The following GARNL3 variants were observed in gnomAD, a reference collection of about 807,000 sequenced individuals.
GARNL3 encodes the protein GTPase activating Rap/RanGAP domain like 3.
A neutral mutation model predicts 125.0 loss-of-function variants in GARNL3; 63 were observed. That is an observed-to-expected ratio of 0.50 (90% CI 0.41 to 0.62). The LOEUF (loss-of-function observed/expected upper bound fraction) is 0.62. Among genes scored for constraint, GARNL3 ranks in the 20% least tolerant of loss-of-function variants. The pLI is 0.00. For synonymous variants in GARNL3, 439 were observed against 457.5 expected (o/e 0.96, Z 0.52); for missense variants, 994 against 1,244.0 (o/e 0.80, Z 3.02).
chr9:127,285,182 G>C (rs956903900), intron 1 of GARNL3, among the ~76,000 whole-genome samples: 2 of 152,016 alleles, frequency 1.3e-5, no homozygotes, highest in South Asian at 4.2e-4. Flanking sequence ...CTCATGCCTC[G>C]GCACTTTGGG....
chr9:127,239,902 T>C (rs2063174633), intron 1 of GARNL3, among the ~76,000 whole-genome samples: 1 of 152,206 alleles, frequency 6.6e-6, no homozygotes, highest in African/African-American at 2.4e-5. Context: ...TTAAAAAGGC[T>C]AGCCTTTCAA....
At chr9:127,314,602 CCTT>C (rs1444554979) in intron 4 of GARNL3, among the ~76,000 whole-genome samples, 4 of 151,916 alleles carry the variant, frequency 2.6e-5, no homozygotes, top group East Asian at 1.9e-4. Context: ...TGGGTTTCCC[CCTT>C]CTTCTACTTT....
chr9:127,276,196 C>T (rs976352760), intron 1 of GARNL3, among the ~76,000 whole-genome samples: 2 of 151,574 alleles, frequency 1.3e-5, no homozygotes, highest in Non-Finnish European at 2.9e-5. Flanking sequence ...TTATGTTATC[C>T]AGGCTGATCT....
chr9:127,240,385 A>G (rs1255828561), intron 1 of GARNL3, among the ~76,000 whole-genome samples: 10 of 152,088 alleles, frequency 6.6e-5, no homozygotes, highest in Admixed American at 2.0e-4. Context: ...TGCACCCCAC[A>G]TGTGTAGACA....
chr9:127,322,529 A>G (rs1344160291), intron 6 of GARNL3, among the ~76,000 whole-genome samples: 1 of 152,184 alleles, frequency 6.6e-6, no homozygotes, highest in African/African-American at 2.4e-5. Context: ...TCCCCTTAAC[A>G]AAAGGAACCA....
chr9:127,313,648 C>T, intron 4 of GARNL3, 89 bp downstream of exon 4: 1 of 870,100 alleles, frequency 1.1e-6, no homozygotes, highest in Non-Finnish European at 2.0e-6. Flanking sequence ...CCAGTTTCTT[C>T]CAGGGCATGC....
chr9:127,271,135 T>C lies in GARNL3; in HGVS notation c.144+6114T>C, dbSNP rs2063814245. ...CATGAGCTGAGCTGGAACTCCCAAATGTGTCCATTAACATTCCTTCATATA... is the reference window on the plus strand; with the variant it reads ...CATGAGCTGAGCTGGAACTCCCAAACGTGTCCATTAACATTCCTTCATATA... On this transcript the variant is annotated intron_variant, in intron 1 of 27. Transcript: ENST00000373387. Among the ~76,000 whole-genome samples, 3 of 150,362 alleles carry C rather than the reference T, an allele frequency of 2.0e-5. 1 individual carries two copies. The highest frequency in any genetic ancestry group is 7.6e-5 in the African/African-American group (3 of 39,670).
chr9:127,352,469 T>C (rs1830467998), intron 17 of GARNL3, among the ~76,000 whole-genome samples: 1 of 152,200 alleles, frequency 6.6e-6, no homozygotes, highest in African/African-American at 2.4e-5. Flanking sequence ...ATGAGGATGA[T>C]CGTCCAGTGT....
intron 4 of GARNL3, 93 bp downstream of exon 4, chr9:127,313,652 G>A (rs1385329865): frequency 1.2e-6 from 1 of 869,558 alleles, no homozygotes; most frequent in African/African-American, 1.6e-5. Flanking sequence ...TTTCTTCCAG[G>A]GCATGCCTCA....
At chr9:127,374,314 A>AG (rs1370517837) in intron 22 of GARNL3, among the ~76,000 whole-genome samples, 2 of 152,072 alleles carry the variant, frequency 1.3e-5, no homozygotes, top group Non-Finnish European at 2.9e-5. Context: ...AAAAACAAAA[A>AG]GAAAAAAAAA....
chr9:127,265,612 G>A (rs2063687496), intron 1 of GARNL3, among the ~76,000 whole-genome samples: 1 of 152,122 alleles, frequency 6.6e-6, no homozygotes, highest in Non-Finnish European at 1.5e-5. Flanking sequence ...TTTTAAAAGA[G>A]CCATAATGAA....
chr9:127,304,558 CAG>C (rs1442552440), intron 2 of GARNL3, among the ~76,000 whole-genome samples: 58 of 95,370 alleles, frequency 6.1e-4, no homozygotes, highest in African/African-American at 2.2e-3. Flanking sequence ...TTTTTTGAGA[CAG>C]AGTCTCACTC....
chr9:127,362,564 T>C (rs937825458), intron 21 of GARNL3: 1 of 152,258 alleles, frequency 6.6e-6, no homozygotes, highest in East Asian at 1.9e-4. Flanking sequence ...GCCCCTCCCG[T>C]GGAGAAGCTC....
intron 22 of GARNL3, among the ~76,000 whole-genome samples, chr9:127,378,278 G>T (rs1208126217): frequency 6.7e-6 from 1 of 148,516 alleles, no homozygotes; most frequent in Non-Finnish European, 1.5e-5. Flanking sequence ...AACATAAAAA[G>T]AGATCTTACA....
intron 2 of GARNL3, among the ~76,000 whole-genome samples, chr9:127,245,707 G>A (rs2063290307): frequency 6.6e-6 from 1 of 152,232 alleles, no homozygotes; most frequent in Non-Finnish European, 1.5e-5. Context: ...CAGGCACCTT[G>A]CCCAAGCATC....
At position 127,379,951 on chromosome 9, in the gene GARNL3, G is replaced by A. The variant is rs867642075; in HGVS notation, c.2162-3487G>A. Among the ~76,000 whole-genome samples the A allele has an allele frequency of 3.0e-4, 45 of 152,126 alleles. 3 individuals carry two copies. Among genetic ancestry groups the A allele is most frequent in the Admixed American group, 2.0e-3 (30 of 15,270 alleles). ...TCCCAGCGCTTTGGGAGGCCAAAGC[G>A]GGTGGATCACTTGTGGTCAGGAGTT... On this transcript the variant is annotated intron_variant, in intron 22 of 27. Coordinates refer to ENST00000373387, the MANE Select transcript of GARNL3 (RefSeq NM_032293.5).
At chr9:127,343,891 G>C (rs1829999208) in intron 14 of GARNL3, among the ~76,000 whole-genome samples, 1 of 152,180 alleles carries the variant, frequency 6.6e-6, no homozygotes, top group Admixed American at 6.5e-5. Flanking sequence ...AGTTTGTTGT[G>C]TTCCAGGGGG....
intron 2 of GARNL3, 130 bp from the exon 3 acceptor site, chr9:127,311,506 A>T: frequency 3.1e-6 from 2 of 645,404 alleles, no homozygotes; most frequent in East Asian, 2.8e-5. Context: ...TAATGAGAAC[A>T]TGCAGCCACA....
chr9:127,243,091 G>C, exon 2 of GARNL3: 1 of 1,360,190 alleles, frequency 7.4e-7, no homozygotes, highest in Non-Finnish European at 9.8e-7. Context: ...CAGCTGCCCA[G>C]CCTCCAGGCC....
Sources: gnomAD v4.1 joint callset for allele counts (sites outside exome capture counted in the v4.1 genomes callset) on GRCh38, gnomAD v4.1.1 for gene constraint, MANE v1.5 for transcripts, NCBI Gene and HGNC (gene_info 2026-07-23, HGNC 2026-07-21) for gene names.